The following KSR2 variants were observed in gnomAD, a reference collection of about 807,000 sequenced individuals.
KSR2 encodes the protein kinase suppressor of ras 2.
Under a neutral mutation model 107.8 loss-of-function variants are expected in KSR2, and 25 were observed. The observed-to-expected ratio is 0.23, with a 90% CI of 0.17 to 0.32. KSR2 has a LOEUF of 0.32. Ranked by LOEUF, KSR2 falls within the 10% of genes least tolerant of loss-of-function variation. The probability of loss-of-function intolerance (pLI) is 1.00; values close to 1 mark genes in which losing one functional copy is unlikely to be tolerated. For synonymous variants in KSR2, 480 were observed against 507.0 expected, an observed-to-expected ratio of 0.95 and a Z score of 0.71; for missense variants, 887 against 1,268.9, an observed-to-expected ratio of 0.70 and a Z score of 4.57.
At position 117,455,046 on chromosome 12, in the gene KSR2, G is replaced by GAGAGAGAGAGAGAA. The variant is rs1566112127; in HGVS notation, c.*12152_*12153insTTCTCTCTCTCTCT. On this transcript the variant is annotated 3_prime_UTR_variant, in exon 20 of 20. Transcript: ENST00000339824. Reference sequence around the variant, plus strand: ...AGAGACAGACAGACAGAGAGAGAGAGAGAGAGAGAGAGAGAGAGAGAGAGA... The same window carrying GAGAGAGAGAGAGAA: ...AGAGACAGACAGACAGAGAGAGAGAGAGAGAGAGAGAGAAAGAGAGAGAGAGAGAGAGAGAGAGA... 6.6e-6 allele frequency: 1 copy of GAGAGAGAGAGAGAA among 150,790 alleles called. No homozygotes were observed. Among genetic ancestry groups the GAGAGAGAGAGAGAA allele is most frequent in the African/African-American group, 2.5e-5 (1 of 40,684 alleles). The allele number at this position is 150,790 out of a possible 1,614,324, so 9.3% of individuals were successfully genotyped here.
intron 1 of KSR2, among the ~76,000 whole-genome samples, chr12:117,863,943 C>A (rs1403570493): frequency 6.6e-6 from 1 of 152,158 alleles, no homozygotes; most frequent in Non-Finnish European, 1.5e-5. Context: ...CTGGGGCCCA[C>A]CCAGACAACC....
chr12:117,500,748 C>A (rs542518584), intron 14 of KSR2, among the ~76,000 whole-genome samples: 1 of 152,328 alleles, frequency 6.6e-6, no homozygotes, highest in East Asian at 1.9e-4. Context: ...CCCGTCCCTC[C>A]AATGAGGAAG....
intron 1 of KSR2, among the ~76,000 whole-genome samples, chr12:117,951,589 A>C (rs2137571875): frequency 6.6e-6 from 1 of 152,198 alleles, no homozygotes; most frequent in African/African-American, 2.4e-5. Flanking sequence ...CCATTCCAAC[A>C]ACTCCAGACC....
chr12:117,622,645 A>G (rs1202681833), intron 5 of KSR2, among the ~76,000 whole-genome samples: 2 of 152,102 alleles, frequency 1.3e-5, no homozygotes, highest in Admixed American at 1.3e-4. Flanking sequence ...TCTTGTGGAG[A>G]GATTTTGCTG....
At chr12:117,665,932 C>G (rs117037213) in intron 5 of KSR2, among the ~76,000 whole-genome samples, 11 of 152,322 alleles carry the variant, frequency 7.2e-5, no homozygotes, top group Middle Eastern at 3.4e-3. Context: ...GTCACTATCA[C>G]GCTTTTCTTC....
At chr12:117,668,988 C>T (rs1407795653) in intron 4 of KSR2, among the ~76,000 whole-genome samples, 1 of 152,146 alleles carries the variant, frequency 6.6e-6, no homozygotes, top group African/African-American at 2.4e-5. Flanking sequence ...CCAGGGACCC[C>T]TCAGCTCACA....
intron 3 of KSR2, among the ~76,000 whole-genome samples, chr12:117,771,420 A>G (rs1593220454): frequency 6.6e-6 from 1 of 152,282 alleles, no homozygotes; most frequent in East Asian, 1.9e-4. Context: ...CCTAAAATGT[A>G]TAAAAGCAGA....
intron 1 of KSR2, among the ~76,000 whole-genome samples, chr12:117,964,433 T>C (rs1202307481): frequency 6.6e-6 from 1 of 152,238 alleles, no homozygotes; most frequent in African/African-American, 2.4e-5. Flanking sequence ...CTACCAGCAT[T>C]AAGTACAGTG....
chr12:117,669,723 C>T (rs918817729), intron 4 of KSR2, among the ~76,000 whole-genome samples: 2 of 151,844 alleles, frequency 1.3e-5, no homozygotes, highest in Admixed American at 1.3e-4. Context: ...AAAACATTAG[C>T]CGGGTTTGGA....
chr12:117,565,254 C>T (rs946057056), intron 7 of KSR2, among the ~76,000 whole-genome samples: 1 of 152,148 alleles, frequency 6.6e-6, no homozygotes, highest in Non-Finnish European at 1.5e-5. Context: ...AAATTTGCTC[C>T]GATCAGCTTC....
At chr12:117,471,153 C>G (rs190801494) in intron 18 of KSR2, 38 bp downstream of exon 18, 1 of 1,608,754 alleles carries the variant, frequency 6.2e-7, no homozygotes, top group African/African-American at 1.3e-5. Flanking sequence ...TCTGTGTCTC[C>G]CCTCATCCCC....
intron 4 of KSR2, among the ~76,000 whole-genome samples, chr12:117,702,863 G>C (rs1283492774): frequency 1.3e-5 from 2 of 152,174 alleles, no homozygotes; most frequent in Non-Finnish European, 2.9e-5. Flanking sequence ...CTCAGAATGA[G>C]ATCCTCCAGA....
chr12:117,837,217 T>C (rs1892255556), intron 3 of KSR2, among the ~76,000 whole-genome samples: 1 of 152,166 alleles, frequency 6.6e-6, no homozygotes, highest in Non-Finnish European at 1.5e-5. Flanking sequence ...GCTCGGTCTG[T>C]GAAACAGAAT....
At chr12:117,852,240 C>T (rs1253301561) in intron 3 of KSR2, among the ~76,000 whole-genome samples, 3 of 150,394 alleles carry the variant, frequency 2.0e-5, no homozygotes, top group South Asian at 2.1e-4. Flanking sequence ...CTGGGCAACA[C>T]GGTGAAACCT....
intron 5 of KSR2, among the ~76,000 whole-genome samples, chr12:117,645,986 A>G (rs1322371542): frequency 6.6e-6 from 1 of 151,680 alleles, no homozygotes; most frequent in Non-Finnish European, 1.5e-5. Flanking sequence ...CAATATGTTC[A>G]AGTCCCTGAT....
chr12:117,470,249 AC>A (rs1207442188), intron 18 of KSR2, among the ~76,000 whole-genome samples: 1 of 138,684 alleles, frequency 7.2e-6, no homozygotes, highest in East Asian at 2.1e-4. Flanking sequence ...CTACACATCT[AC>A]CCATCCATAT....
At chr12:117,696,612 T>G (rs959357494) in intron 4 of KSR2, among the ~76,000 whole-genome samples, 3 of 152,166 alleles carry the variant, frequency 2.0e-5, no homozygotes, top group African/African-American at 7.2e-5. Context: ...GATATTTTAG[T>G]GATGTTAATC....
intron 14 of KSR2, among the ~76,000 whole-genome samples, chr12:117,512,370 C>T (rs944385690): frequency 2.6e-5 from 4 of 152,152 alleles, no homozygotes; most frequent in Non-Finnish European, 5.9e-5. Flanking sequence ...ATGCTGCGTC[C>T]TCTTCTCTTC....
chr12:117,474,489 G>A (rs933642866), intron 17 of KSR2, among the ~76,000 whole-genome samples: 1 of 151,922 alleles, frequency 6.6e-6, no homozygotes, highest in Non-Finnish European at 1.5e-5. Context: ...AACATCTCTC[G>A]GTGGTGCTAA....
Sources: gnomAD v4.1 joint callset for allele counts (sites outside exome capture counted in the v4.1 genomes callset) on GRCh38, gnomAD v4.1.1 for gene constraint, MANE v1.5 for transcripts, NCBI Gene and HGNC (gene_info 2026-07-23, HGNC 2026-07-21) for gene names.